Variants in SNAI1 observed in about 807,000 individuals in gnomAD.
The protein encoded by SNAI1 is snail family transcriptional repressor 1, also known as zinc finger protein SNAI1.
A neutral mutation model predicts 24.7 loss-of-function variants in SNAI1; 15 were observed. The ratio of observed to expected loss-of-function variants is 0.61; its 90% confidence interval spans 0.41 to 0.93. SNAI1 has a LOEUF of 0.93. Among genes scored for constraint, SNAI1 ranks in the 40% least tolerant of loss-of-function variants. The pLI is 0.00. For synonymous variants in SNAI1, 163 were observed against 142.9 expected (o/e 1.14, Z -1.00); for missense variants, 283 against 336.7 (o/e 0.84, Z 1.25).
intron 2 of SNAI1, among the ~76,000 whole-genome samples, chr20:49,985,816 C>T (rs1263911479): frequency 6.6e-6 from 1 of 152,234 alleles, no homozygotes; most frequent in Non-Finnish European, 1.5e-5. Flanking sequence ...CAGTGCCCCC[C>T]TCGGCGCCCT....
intron 2 of SNAI1, among the ~76,000 whole-genome samples, chr20:49,984,721 G>A (rs1194218155): frequency 1.3e-5 from 2 of 152,194 alleles, no homozygotes; most frequent in South Asian, 2.1e-4. Context: ...CAGACCCCCC[G>A]CCTGGCTCTG....
chr20:49,984,911 A>G (rs2078329222), intron 2 of SNAI1, among the ~76,000 whole-genome samples: 1 of 152,214 alleles, frequency 6.6e-6, no homozygotes, highest in Non-Finnish European at 1.5e-5. Context: ...TCTCACAAAA[A>G]TGGTTCCTTG....
Position 49,987,945 on chromosome 20 carries a change from G to C in SNAI1, c.684G>C (p.Gln228His). 1 of 1,614,076 alleles carries C rather than the reference G, an allele frequency of 6.2e-7. No individual in the cohort carries two copies. Residue 228 changes from glutamine (Q) to histidine (H), a missense_variant, in exon 3 of 3, where the codon CAG (glutamine) becomes CAC (histidine). Physicochemically the swap from Gln to His is conservative, Grantham distance 24. Transcript: ENST00000244050. Reference protein sequence around the residue: ...ADRSNLRAHLQTHSDVKKYQC... With the variant: ...ADRSNLRAHLHTHSDVKKYQC... ...GCTCCAACCTGCGGGCCCACCTCCA[G>C]ACCCACTCAGATGTCAAGAAGTACC... is the stretch of plus-strand genomic sequence containing the variant.
intron 2 of SNAI1, among the ~76,000 whole-genome samples, chr20:49,986,369 A>G (rs572579398): frequency 4.3e-4 from 65 of 151,830 alleles, no homozygotes; most frequent in South Asian, 1.0e-3. Flanking sequence ...ATAAGTCCCT[A>G]TTGAATGCAT....
chr20:49,986,609 T>C (rs993071197), intron 2 of SNAI1, among the ~76,000 whole-genome samples: 1 of 152,024 alleles, frequency 6.6e-6, no homozygotes, highest in Non-Finnish European at 1.5e-5. Flanking sequence ...GAATAGTGTC[T>C]AGCACTTAGT....
At chr20:49,986,295 A>C (rs2078333698) in intron 2 of SNAI1, among the ~76,000 whole-genome samples, 1 of 151,670 alleles carries the variant, frequency 6.6e-6, no homozygotes, top group Admixed American at 6.6e-5. Flanking sequence ...TATGTCCCCC[A>C]CCCTTTGGAG....
At chr20:49,983,484 G>A (rs1406489050) in intron 1 of SNAI1, among the ~76,000 whole-genome samples, 1 of 151,150 alleles carries the variant, frequency 6.6e-6, no homozygotes, top group Non-Finnish European at 1.5e-5. Flanking sequence ...GGGTTGAGGG[G>A]AGGGGTGGGG....
rs183358559 is a variant in SNAI1 at position 49,984,502 on chromosome 20, G to A, written c.610+151G>A. 1.5e-4 allele frequency: 118 copies of A among 802,418 alleles called. No individual in the cohort carries two copies. In the African/African-American group the frequency reaches 1.9e-3, roughly 13 times the overall value. The allele number at this position is 802,418 out of a possible 1,614,324, so 49.7% of individuals were successfully genotyped here. A position where few individuals can be genotyped will look rare whatever the true frequency, so the allele number is the denominator to read the frequency against. ...TTCCAGGGCCTGGCTCTCTGGAAAC[G>A]TTTGGCAGAAACTTTCTTCATCAGC... On this transcript the variant is annotated intron_variant, in intron 2 of 2. Transcript: ENST00000244050.
chr20:49,984,296 C>A lies in SNAI1; in HGVS notation c.555C>A (p.Cys185Ter). Residue 185 changes from cysteine to a stop codon, truncating the protein, a stop_gained, in exon 2 of 3, where the codon TGC becomes TGA. Transcript: ENST00000244050. LOFTEE classifies it high-confidence loss of function. ...CGCTGCCCTGCGTCTGCGGAACCTGCGGGAAGGCCTTCTCTAGGCCCTGGC... is the reference window on the plus strand; with the variant it reads ...CGCTGCCCTGCGTCTGCGGAACCTGAGGGAAGGCCTTCTCTAGGCCCTGGC... ...SHTLPCVCGT[C>*]GKAFSRPWLL... 6.2e-7 allele frequency: 1 copy of A among 1,613,320 alleles called. No homozygotes were observed. The highest frequency in any genetic ancestry group is 8.5e-7 in the Non-Finnish European group (1 of 1,179,696).
chr20:49,987,132 A>G (rs1199087540), intron 2 of SNAI1, among the ~76,000 whole-genome samples: 1 of 152,158 alleles, frequency 6.6e-6, no homozygotes, highest in African/African-American at 2.4e-5. Flanking sequence ...AAGGGACTCA[A>G]AGGAGGCCCT....
At position 49,984,046 on chromosome 20, in the gene SNAI1, C is replaced by T; in HGVS notation, c.305C>T (p.Pro102Leu). ...SDEDSGKGSQ[P>L]PSPPSPAPSS... ...GAGGACAGTGGGAAAGGCTCCCAGC[C>T]CCCCAGCCCACCCTCACCGGCTCCT... The change falls in exon 2 of 3, where the codon CCC (proline) becomes CTC (leucine). Residue 102 changes from proline to leucine, a missense_variant. Physicochemically the swap from Pro to Leu is moderately conservative, Grantham distance 98. Coordinates refer to ENST00000244050, the MANE Select transcript of SNAI1 (RefSeq NM_005985.4). The T allele has an allele frequency of 6.2e-7, 1 of 1,613,844 alleles. No individual in the cohort carries two copies. Among genetic ancestry groups the T allele is most frequent in the Non-Finnish European group, 8.5e-7 (1 of 1,179,850 alleles).
Position 49,983,964 on chromosome 20 carries a change from G to C in SNAI1, c.223G>C (p.Ala75Pro). 6.2e-7 allele frequency: 1 copy of C among 1,613,656 alleles called. No individual in the cohort carries two copies. The highest frequency in any genetic ancestry group is 1.1e-5 in the South Asian group (1 of 91,080). ...GCCCCAAGCCCAGCCAATTGCCTGG[G>C]CCTCCCTTCGGCTCCAGGAGAGTCC... ...LAPQAQPIAW[A>P]SLRLQESPRV... The change falls in exon 2 of 3, where the codon GCC (alanine) becomes CCC (proline). Residue 75 changes from alanine (A) to proline (P), a missense_variant. Transcript: ENST00000244050.
intron 2 of SNAI1, among the ~76,000 whole-genome samples, chr20:49,986,265 G>A (rs1276262699): frequency 6.6e-6 from 1 of 152,170 alleles, no homozygotes; most frequent in Non-Finnish European, 1.5e-5. Context: ...TAGTGCTCAG[G>A]CACCCCTCCC....
Position 49,988,399 on chromosome 20 carries a change from C to T in SNAI1, c.*343C>T. On this transcript the variant is annotated 3_prime_UTR_variant, in exon 3 of 3. Transcript: ENST00000244050. ...GCTACAGGACAAAGGCTGACAGACTCACTGGGAAGCTCCCACCCCACTCAG... is the reference window on the plus strand; with the variant it reads ...GCTACAGGACAAAGGCTGACAGACTTACTGGGAAGCTCCCACCCCACTCAG... The T allele has an allele frequency of 4.8e-6, 1 of 207,242 alleles. No individual in the cohort carries two copies. Among genetic ancestry groups the T allele is most frequent in the South Asian group, 1.5e-4 (1 of 6,532 alleles). 12.8% of individuals were successfully genotyped at this position (207,242 alleles called of 1,614,324 possible). A position where few individuals can be genotyped will look rare whatever the true frequency, so the allele number is the denominator to read the frequency against.
chr20:49,984,123 G>C lies in SNAI1; in HGVS notation c.382G>C (p.Ala128Pro). 1 of 1,614,184 alleles carries C rather than the reference G, an allele frequency of 6.2e-7. No homozygotes were observed. The highest frequency in any genetic ancestry group is 1.1e-5 in the South Asian group (1 of 91,088). ...TTCCTTGGAGGCCGAGGCCTATGCT[G>C]CCTTCCCAGGCTTGGGCCAAGTGCC... The part of the protein sequence containing the change: ...VSSLEAEAYA[A>P]FPGLGQVPKQ... Residue 128 changes from alanine to proline, a missense_variant, in exon 2 of 3, where the codon GCC (alanine) becomes CCC (proline). By Grantham distance (27) the Ala-to-Pro change is conservative (BLOSUM62 -1). Coordinates refer to ENST00000244050, the MANE Select transcript of SNAI1 (RefSeq NM_005985.4).
At position 49,983,889 on chromosome 20, in the gene SNAI1, C is replaced by T; in HGVS notation, c.148C>T (p.Leu50Phe). The T allele has an allele frequency of 6.2e-7, 1 of 1,613,060 alleles. No individual in the cohort carries two copies. The highest frequency in any genetic ancestry group is 1.1e-5 in the South Asian group (1 of 91,042). Residue 50 changes from leucine (L) to phenylalanine (F), a missense_variant, in exon 2 of 3, where the codon CTC becomes TTC. By Grantham distance (22) the Leu-to-Phe change is conservative. Transcript: ENST00000244050. ...GGCAGCCATCCCACCTCCGGAGATCCTCAACCCCACCGCCTCGCTGCCAAT... is the reference window on the plus strand; with the variant it reads ...GGCAGCCATCCCACCTCCGGAGATCTTCAACCCCACCGCCTCGCTGCCAAT... ...LLAAIPPPEI[L>F]NPTASLPMLI...
intron 2 of SNAI1, among the ~76,000 whole-genome samples, chr20:49,987,058 G>A (rs2078336057): frequency 6.6e-6 from 1 of 152,198 alleles, no homozygotes; most frequent in South Asian, 2.1e-4. Context: ...GGTGTGTCAG[G>A]GCCACAGGTT....
chr20:49,986,165 AC>A (rs1030141056), intron 2 of SNAI1, among the ~76,000 whole-genome samples: 2 of 152,136 alleles, frequency 1.3e-5, no homozygotes, highest in African/African-American at 4.8e-5. Context: ...GGGTGAACTT[AC>A]CCTTCTCATT....
rs975773509 is a variant in SNAI1, at chr20:49,984,140, C to T, written c.399C>T (p.Gly133=). ...AEAYAAFPGL[G]QVPKQLAQLS... ...CCTATGCTGCCTTCCCAGGCTTGGG[C>T]CAAGTGCCCAAGCAGCTGGCCCAGC... Residue 133 remains glycine, a synonymous_variant, in exon 2 of 3, where the codon GGC becomes GGT. Coordinates refer to ENST00000244050, the MANE Select transcript of SNAI1 (RefSeq NM_005985.4). The T allele has an allele frequency of 2.5e-6, 4 of 1,614,110 alleles. No homozygotes were observed. The Admixed American group carries it at 5.0e-5, about 20-fold the overall frequency.
Sources: allele counts gnomAD v4.1 joint callset (sites outside exome capture counted in the v4.1 genomes callset), GRCh38; gene constraint gnomAD v4.1.1; transcripts MANE v1.5; gene names NCBI Gene and HGNC (gene_info 2026-07-23, HGNC 2026-07-21).